Variants in INTS15 observed in about 807,000 individuals in gnomAD.
The protein encoded by INTS15 is integrator complex subunit 15.
At chr7:6,592,449 C>T in the INTS15 span, among the ~76,000 whole-genome samples, 1 of 150,986 alleles carries the variant, frequency 6.6e-6, no homozygotes, top group Non-Finnish European at 1.5e-5. Context: ...CGCCTGTGGT[C>T]CCAGCTACTT....
the INTS15 span, among the ~76,000 whole-genome samples, chr7:6,592,974 C>T: frequency 1.3e-5 from 2 of 152,132 alleles, no homozygotes; most frequent in Non-Finnish European, 2.9e-5. Flanking sequence ...CATCATGTGG[C>T]AGTTCACTGA....
the INTS15 span, chr7:6,607,671 C>T: frequency 6.6e-7 from 1 of 1,512,196 alleles, no homozygotes; most frequent in Non-Finnish European, 8.9e-7. The surrounding 1 kb of genome is among the most constrained non-coding windows in gnomAD (Gnocchi z 6.0). Context: ...AGCAGAGAGC[C>T]GCAGAGGCTG....
the INTS15 span, chr7:6,594,353 AGGTGGTCACTGT>A: frequency 6.2e-5 from 87 of 1,392,130 alleles, no homozygotes; most frequent in Admixed American, 3.9e-4. Context: ...CCATTTCTGG[AGGTGGTCACTGT>A]GTGTGCATAG....
chr7:6,592,594 G>T, the INTS15 span, among the ~76,000 whole-genome samples: 1 of 151,732 alleles, frequency 6.6e-6, no homozygotes, highest in Non-Finnish European at 1.5e-5. Context: ...TTTAAATTAG[G>T]GTGTGTTTTT....
chr7:6,603,313 C>T, the INTS15 span, among the ~76,000 whole-genome samples: 3 of 150,150 alleles, frequency 2.0e-5, no homozygotes, highest in Non-Finnish European at 4.4e-5. Flanking sequence ...TTTGGGAGAA[C>T]GAGGCAGGTG....
At chr7:6,595,586 A>C in the INTS15 span, among the ~76,000 whole-genome samples, 1 of 152,218 alleles carries the variant, frequency 6.6e-6, no homozygotes, top group Non-Finnish European at 1.5e-5. Context: ...TCCAAGTGGC[A>C]GGCAGCCCAG....
chr7:6,599,940 C>A, the INTS15 span: 1 of 1,614,196 alleles, frequency 6.2e-7, no homozygotes, highest in Admixed American at 1.7e-5. Flanking sequence ...GCCAATCTGC[C>A]AATAGGATTC....
At chr7:6,608,025 T>A in the INTS15 span, 2 of 1,600,300 alleles carry the variant, frequency 1.2e-6, no homozygotes, top group Admixed American at 3.3e-5. Context: ...CCCCCGGGGT[T>A]CTACCCCCAC....
At chr7:6,590,771 C>T in the INTS15 span, among the ~76,000 whole-genome samples, 4 of 152,294 alleles carry the variant, frequency 2.6e-5, no homozygotes, top group South Asian at 4.1e-4. Flanking sequence ...TCATCCTGAA[C>T]CCTCCAGGAG....
At chr7:6,604,158 C>T in the INTS15 span, among the ~76,000 whole-genome samples, 1 of 152,298 alleles carries the variant, frequency 6.6e-6, no homozygotes, top group South Asian at 2.1e-4. Context: ...TCACTGCAAG[C>T]CTCTGCGTCC....
the INTS15 span, chr7:6,608,625 G>T: frequency 1.5e-6 from 1 of 674,296 alleles, no homozygotes; most frequent in Admixed American, 6.0e-5. Context: ...TGCTCAGGGA[G>T]GCTGTCAGGA....
the INTS15 span, among the ~76,000 whole-genome samples, chr7:6,594,001 CTTTTTTTTTTTTT>C: frequency 5.8e-5 from 4 of 68,938 alleles, no homozygotes; most frequent in Non-Finnish European, 9.9e-5. Context: ...AAGCCTTTAA[CTTTTTTTTTTTTT>C]TTTTTTTTTT....
At chr7:6,594,287 T>C in the INTS15 span, 1 of 762,348 alleles carries the variant, frequency 1.3e-6, no homozygotes, top group South Asian at 1.8e-5. Context: ...ATTACAGATA[T>C]GAGCCACCAC....
At chr7:6,604,195 G>C in the INTS15 span, among the ~76,000 whole-genome samples, 10 of 152,092 alleles carry the variant, frequency 6.6e-5, no homozygotes, top group Admixed American at 2.0e-4. Context: ...TCCCACCTCA[G>C]CCTCCCAAGT....
the INTS15 span, chr7:6,591,521 C>T: frequency 2.5e-6 from 2 of 784,704 alleles, no homozygotes; most frequent in East Asian, 2.6e-5. Flanking sequence ...ACCTTGGCCT[C>T]CCAAAGTGCT....
chr7:6,607,833 C>A, the INTS15 span: 8 of 1,511,948 alleles, frequency 5.3e-6, no homozygotes, highest in Non-Finnish European at 1.8e-6. This position sits in a 1 kb window ranked among gnomAD's most constrained non-coding sequence, Gnocchi z 6.0. Flanking sequence ...GCCTGGACCC[C>A]CGGGTGGTCC....
At chr7:6,598,008 A>G in the INTS15 span, among the ~76,000 whole-genome samples, 3 of 152,210 alleles carry the variant, frequency 2.0e-5, no homozygotes, top group African/African-American at 7.2e-5. Context: ...CATGAAGCGA[A>G]CATGCCAACG....
the INTS15 span, among the ~76,000 whole-genome samples, chr7:6,601,512 T>C: frequency 6.6e-6 from 1 of 151,948 alleles, no homozygotes; most frequent in Non-Finnish European, 1.5e-5. Context: ...GCCAGGATGG[T>C]TTCAAACTCC....
chr7:6,605,413 C>T, the INTS15 span, among the ~76,000 whole-genome samples: 3 of 152,286 alleles, frequency 2.0e-5, no homozygotes, highest in East Asian at 3.9e-4. Context: ...CTTTGTCCAC[C>T]GCTTTTATTT....
Sources: allele counts gnomAD v4.1 joint callset (sites outside exome capture counted in the v4.1 genomes callset), GRCh38; gene constraint gnomAD v4.1.1; non-coding constraint Gnocchi (gnomAD v3.1); transcripts MANE v1.5; gene names NCBI Gene and HGNC (gene_info 2026-07-23, HGNC 2026-07-21).